CEP63: variants seen among roughly 807,000 people sequenced by gnomAD.
CEP63 encodes centrosomal protein 63, also known as centrosomal protein of 63 kDa.
A neutral mutation model predicts 89.1 loss-of-function variants in CEP63; 84 were observed. The ratio of observed to expected loss-of-function variants is 0.94; its 90% confidence interval spans 0.79 to 1.13. The LOEUF (loss-of-function observed/expected upper bound fraction) is 1.13. Ranked by LOEUF, CEP63 falls within the 50% of genes most tolerant of loss-of-function variation. The pLI is 0.00. For missense variants in CEP63, 838 were observed against 813.3 expected, an observed-to-expected ratio of 1.03 and a Z score of -0.37; for synonymous variants, 267 against 272.5, an observed-to-expected ratio of 0.98 and a Z score of 0.20.
chr3:134,561,276 T>C, intron 14 of CEP63, 101 bp from the exon 15 acceptor site: 1 of 1,233,158 alleles, frequency 8.1e-7, no homozygotes, highest in Non-Finnish European at 1.2e-6. Flanking sequence ...AGGAAAAAAA[T>C]CACCTTTTAA....
chr3:134,767,090 C>T, the CEP63 span, among the ~76,000 whole-genome samples: 2 of 152,172 alleles, frequency 1.3e-5, no homozygotes, highest in Admixed American at 1.3e-4. Flanking sequence ...AGCCCTCCTA[C>T]TTGGCTTCAT....
chr3:134,776,077 G>A, the CEP63 span, among the ~76,000 whole-genome samples: 2 of 152,348 alleles, frequency 1.3e-5, no homozygotes, highest in East Asian at 3.9e-4. Flanking sequence ...TTGTAGGACT[G>A]TGTCTCTGAC....
At chr3:134,725,009 C>T in the CEP63 span, among the ~76,000 whole-genome samples, 5 of 152,226 alleles carry the variant, frequency 3.3e-5, no homozygotes, top group East Asian at 7.7e-4. Context: ...TAATTTCTAT[C>T]TACTCTCTAA....
At chr3:134,732,935 C>A in the CEP63 span, among the ~76,000 whole-genome samples, 2,550 of 152,248 alleles carry the variant, frequency 0.017, 68 homozygotes, top group African/African-American at 0.058. Flanking sequence ...ATATATTACT[C>A]ACAACAATAG....
chr3:134,724,037 AT>A, the CEP63 span, among the ~76,000 whole-genome samples: 1 of 152,160 alleles, frequency 6.6e-6, no homozygotes, highest in Admixed American at 6.5e-5. Flanking sequence ...CCAACTCTTT[AT>A]TTTCCATTCA....
intron 11 of CEP63, among the ~76,000 whole-genome samples, chr3:134,571,691 A>G (rs1183109943): frequency 6.6e-6 from 1 of 152,170 alleles, no homozygotes; most frequent in African/African-American, 2.4e-5. Context: ...AACAACAACA[A>G]CAACAACAGC....
intron 2 of CEP63, among the ~76,000 whole-genome samples, chr3:134,505,476 T>C (rs759433904): frequency 6.6e-6 from 1 of 152,206 alleles, no homozygotes; most frequent in Non-Finnish European, 1.5e-5. Flanking sequence ...CCAGGCAGAC[T>C]GGTCATCACG....
downstream of CEP63, among the ~76,000 whole-genome samples, chr3:134,568,799 C>A (rs773459904): frequency 3.9e-5 from 6 of 152,200 alleles, no homozygotes; most frequent in Non-Finnish European, 2.9e-5. Flanking sequence ...AAGCTGTTTT[C>A]CAGAGATCCA....
At chr3:134,733,012 A>G in the CEP63 span, among the ~76,000 whole-genome samples, 1 of 152,220 alleles carries the variant, frequency 6.6e-6, no homozygotes, top group Non-Finnish European at 1.5e-5. Flanking sequence ...AGCAATGTAA[A>G]GAGGGCCAGA....
the CEP63 span, among the ~76,000 whole-genome samples, chr3:134,645,642 G>A: frequency 1.3e-5 from 2 of 152,364 alleles, no homozygotes; most frequent in East Asian, 3.9e-4. Flanking sequence ...CTTTACACAT[G>A]TTGATGGAGT....
chr3:134,730,193 AG>A, the CEP63 span, among the ~76,000 whole-genome samples: 4 of 152,242 alleles, frequency 2.6e-5, no homozygotes, highest in African/African-American at 9.6e-5. Context: ...AAAATTTTTA[AG>A]TATATCCCAT....
chr3:134,603,491 G>A, the CEP63 span: 1 of 1,166,696 alleles, frequency 8.6e-7, no homozygotes, highest in South Asian at 1.5e-5. Context: ...AGACTCAGTG[G>A]TGTCCAGGGC....
chr3:134,657,868 T>C, the CEP63 span, among the ~76,000 whole-genome samples: 2 of 152,154 alleles, frequency 1.3e-5, no homozygotes, highest in Admixed American at 1.3e-4. Context: ...ATTATGATAA[T>C]TGATATATGG....
chr3:134,582,839 T>A (rs1958393401), intron 10 of CEP63, among the ~76,000 whole-genome samples: 1 of 152,208 alleles, frequency 6.6e-6, no homozygotes. Context: ...CTCCAGCATC[T>A]GTTGTTTCCT....
intron 12 of CEP63, among the ~76,000 whole-genome samples, chr3:134,557,173 G>A (rs940279393): frequency 6.6e-6 from 1 of 151,902 alleles, no homozygotes; most frequent in African/African-American, 2.4e-5. Flanking sequence ...TTTAAAAACC[G>A]ATAATAGTTT....
the CEP63 span, among the ~76,000 whole-genome samples, chr3:134,653,588 C>T: frequency 5.7e-4 from 87 of 152,316 alleles, no homozygotes; most frequent in Middle Eastern, 0.017. Flanking sequence ...TCCCCACTAT[C>T]CATTCTTGGG....
rs147417466 is a variant in CEP63 at position 134,546,365 on chromosome 3, T to A, written c.929+77T>A. ...TAAGCACTAGGCTTATTTTTATTTT[T>A]ATTTTTATTTTATTTTCAGATAGTC... On this transcript the variant is annotated intron_variant, in intron 8 of 14. Coordinates refer to ENST00000675561, the MANE Select transcript of CEP63 (RefSeq NM_001353108.3). 6,006 of 1,324,648 alleles carry A rather than the reference T, an allele frequency of 4.5e-3. 216 individuals are homozygous for A. In the Admixed American group the frequency reaches 0.078, roughly 17 times the overall value. The allele number at this position is 1,324,648 out of a possible 1,614,324, so 82.1% of individuals were successfully genotyped here. A position where few individuals can be genotyped will look rare whatever the true frequency, so the allele number is the denominator to read the frequency against.
chr3:134,726,455 G>GACACACAC, the CEP63 span, among the ~76,000 whole-genome samples: 66 of 51,092 alleles, frequency 1.3e-3, no homozygotes, highest in African/African-American at 2.8e-3. Context: ...CAGGCACACA[G>GACACACAC]ACAGACACAC....
At chr3:134,549,682 T>G (rs1954377355) in intron 10 of CEP63, among the ~76,000 whole-genome samples, 1 of 152,134 alleles carries the variant, frequency 6.6e-6, no homozygotes, top group Non-Finnish European at 1.5e-5. Flanking sequence ...TTCTAGTTCC[T>G]TACTTCCTCT....
Sources: allele counts gnomAD v4.1 joint callset (sites outside exome capture counted in the v4.1 genomes callset), GRCh38; gene constraint gnomAD v4.1.1; transcripts MANE v1.5; gene names NCBI Gene and HGNC (gene_info 2026-07-23, HGNC 2026-07-21).